KNTC1: variants seen among roughly 807,000 people sequenced by gnomAD.
KNTC1 encodes kinetochore associated 1, also known as kinetochore-associated protein 1.
KNTC1 carries 253 observed loss-of-function variants against 314.4 expected under a neutral mutation model. That is an observed-to-expected ratio of 0.80 (90% confidence interval 0.73 to 0.89). KNTC1 has a LOEUF of 0.89. Among genes scored for constraint, KNTC1 ranks in the 40% least tolerant of loss-of-function variants. The probability of loss-of-function intolerance (pLI) is 0.00; values close to 1 mark genes in which losing one functional copy is unlikely to be tolerated. For synonymous variants in KNTC1, 901 were observed against 901.4 expected (o/e 1.00, Z 0.01); for missense variants, 2,475 against 2,572.9 (o/e 0.96, Z 0.82).
chr12:122,619,631 C>A (rs1225848058), intron 59 of KNTC1, among the ~76,000 whole-genome samples: 1 of 151,904 alleles, frequency 6.6e-6, no homozygotes, highest in Admixed American at 6.6e-5. Context: ...CCAGGATGGT[C>A]TCGATCTCCT....
chr12:122,626,126 TCTG>T (rs1875023466), intron 63 of KNTC1, 76 bp from the exon 64 acceptor site: 1 of 968,894 alleles, frequency 1.0e-6, no homozygotes, highest in African/African-American at 1.6e-5. Context: ...TCACTTAAGT[TCTG>T]TAGTTTATCT....
intron 30 of KNTC1, among the ~76,000 whole-genome samples, chr12:122,577,471 A>G (rs892121955): frequency 2.0e-5 from 3 of 152,194 alleles, no homozygotes; most frequent in Non-Finnish European, 4.4e-5. Context: ...ACATGTAACA[A>G]GCCTGCACTT....
chr12:122,561,403 A>G (rs1234981557), intron 18 of KNTC1, among the ~76,000 whole-genome samples: 1 of 152,036 alleles, frequency 6.6e-6, no homozygotes, highest in Non-Finnish European at 1.5e-5. Flanking sequence ...GCAATTGCAA[A>G]TAATGTCATT....
intron 62 of KNTC1, 84 bp downstream of exon 62, chr12:122,622,691 G>T: frequency 8.7e-7 from 1 of 1,146,258 alleles, no homozygotes; most frequent in Non-Finnish European, 1.2e-6. Context: ...GCTCACGACT[G>T]TAATCCTAGC....
rs578088874 is a variant in KNTC1 at position 122,610,892 on chromosome 12, A to G, written c.5614A>G (p.Thr1872Ala). 4.3e-6 allele frequency: 7 copies of G among 1,610,090 alleles called. No homozygotes were observed. The highest frequency in any genetic ancestry group is 3.3e-4 in the Middle Eastern group (2 of 6,078). The change falls in exon 53 of 64, where the codon ACT (threonine) becomes GCT (alanine). Residue 1872 changes from threonine to alanine, a missense_variant. Thr to Ala is a moderately conservative substitution (Grantham distance 58). Transcript: ENST00000333479. ...AATGCTGTTTGTATTTGCAACATCA[A>G]CTACAACCGTAAGCTCTAGAAACTT... ...SRMLFVFATS[T>A]TTTLGMHQLT...
chr12:122,538,300 T>G (rs776743539), intron 3 of KNTC1, 39 bp from the exon 4 acceptor site: 6 of 1,187,072 alleles, frequency 5.1e-6, no homozygotes, highest in Non-Finnish European at 7.2e-6. Context: ...AAATAAAGAT[T>G]TTCGAAGGAA....
intron 34 of KNTC1, among the ~76,000 whole-genome samples, chr12:122,583,897 A>G (rs1593608174): frequency 1.3e-5 from 2 of 152,190 alleles, no homozygotes; most frequent in Admixed American, 6.5e-5. Context: ...CCAAGGCAGG[A>G]GGATTACTTC....
intron 16 of KNTC1, among the ~76,000 whole-genome samples, chr12:122,553,609 T>C (rs547019055): frequency 6.6e-6 from 1 of 152,238 alleles, no homozygotes; most frequent in Non-Finnish European, 1.5e-5. Context: ...AGGAGTGGCC[T>C]ACACTGCTTC....
intron 20 of KNTC1, among the ~76,000 whole-genome samples, chr12:122,565,294 T>C (rs1405410565): frequency 1.3e-5 from 2 of 150,430 alleles, no homozygotes; most frequent in African/African-American, 4.9e-5. Context: ...TTTATTATTG[T>C]TGTGTTTTTA....
At position 122,549,913 on chromosome 12, in the gene KNTC1, A is replaced by G. The variant is rs1205934279; in HGVS notation, c.1086+49A>G. The G allele has an allele frequency of 4.0e-6, 4 of 991,856 alleles. No homozygotes were observed. In the East Asian group the frequency reaches 7.8e-5, roughly 19 times the overall value. The allele number at this position is 991,856 out of a possible 1,614,324, so 61.4% of individuals were successfully genotyped here. A position where few individuals can be genotyped will look rare whatever the true frequency, so the allele number is the denominator to read the frequency against. On this transcript the variant is annotated intron_variant, in intron 13 of 63. Coordinates refer to ENST00000333479, the MANE Select transcript of KNTC1 (RefSeq NM_014708.6). ...TATTCTTTTAACTACTTTTTTCTTTATCTGGTATCTAATCAGGGATGATTA... is the reference window on the plus strand; with the variant it reads ...TATTCTTTTAACTACTTTTTTCTTTGTCTGGTATCTAATCAGGGATGATTA...
rs1275564781 is a variant in KNTC1 at position 122,613,588 on chromosome 12, C to T, written c.5742-38C>T. On this transcript the variant is annotated intron_variant, in intron 54 of 63. Coordinates refer to ENST00000333479, the MANE Select transcript of KNTC1 (RefSeq NM_014708.6). ...TTTTTATTTTAAATGTAAATGTGGC[C>T]TATGAGAATGATTCTTAGAAACGTT... 3.2e-6 allele frequency: 5 copies of T among 1,550,472 alleles called. No individual in the cohort carries two copies. In the East Asian group the frequency reaches 1.1e-4, roughly 36 times the overall value.
At chr12:122,558,423 G>A (rs538429432) in intron 18 of KNTC1, among the ~76,000 whole-genome samples, 19 of 151,592 alleles carry the variant, frequency 1.3e-4, no homozygotes, top group African/African-American at 3.2e-4. Flanking sequence ...GTGGTGTCAC[G>A]CGCCTGTAGT....
At chr12:122,557,824 C>CT (rs1167468248) in intron 18 of KNTC1, 135 bp downstream of exon 18, 1 of 629,756 alleles carries the variant, frequency 1.6e-6, no homozygotes, top group Non-Finnish European at 2.8e-6. Flanking sequence ...TTTATAATAG[C>CT]TTAATGGAGA....
At chr12:122,562,570 C>T in intron 19 of KNTC1, 68 bp from the exon 20 acceptor site, 1 of 954,296 alleles carries the variant, frequency 1.0e-6, no homozygotes, top group South Asian at 1.4e-5. Flanking sequence ...TGTAATGATT[C>T]ATTTTTAATG....
rs992269448 is a variant in KNTC1, at chr12:122,546,405, C to T, written c.763+136C>T. On this transcript the variant is annotated intron_variant, in intron 9 of 63. Coordinates refer to ENST00000333479, the MANE Select transcript of KNTC1 (RefSeq NM_014708.6). ...AAGCCAGAATAGCTTGATGGTTGTTCACATACAGAACAGTTCTTGACATGT... is the reference window on the plus strand; with the variant it reads ...AAGCCAGAATAGCTTGATGGTTGTTTACATACAGAACAGTTCTTGACATGT... 8 of 671,630 alleles carry T rather than the reference C, an allele frequency of 1.2e-5. No homozygotes were observed. The Admixed American group carries it at 2.2e-4, about 19-fold the overall frequency. 41.6% of individuals were successfully genotyped at this position (671,630 alleles called of 1,614,324 possible). A position where few individuals can be genotyped will look rare whatever the true frequency, so the allele number is the denominator to read the frequency against.
At chr12:122,601,324 A>T (rs1490856928) in intron 44 of KNTC1, among the ~76,000 whole-genome samples, 2 of 151,906 alleles carry the variant, frequency 1.3e-5, no homozygotes, top group Non-Finnish European at 2.9e-5. Context: ...TGACCTCGTG[A>T]TCCACCCGCC....
intron 43 of KNTC1, chr12:122,597,370 T>G (rs954754025): frequency 1.3e-5 from 3 of 239,850 alleles, no homozygotes; most frequent in African/African-American, 6.9e-5. Context: ...TGCCTCAGCT[T>G]CCCGAGTAGC....
chr12:122,609,573 A>C, intron 52 of KNTC1, 143 bp downstream of exon 52: 2 of 582,660 alleles, frequency 3.4e-6, no homozygotes, highest in South Asian at 4.7e-5. Flanking sequence ...CAGTTCACTA[A>C]TACGTGGCTA....
At chr12:122,619,682 GA>G (rs1366841917) in intron 59 of KNTC1, among the ~76,000 whole-genome samples, 1 of 152,062 alleles carries the variant, frequency 6.6e-6, no homozygotes, top group Admixed American at 6.6e-5. Context: ...AAAGTGCTGG[GA>G]TTACAGGCTT....
Sources: gnomAD v4.1 joint callset for allele counts (sites outside exome capture counted in the v4.1 genomes callset) on GRCh38, gnomAD v4.1.1 for gene constraint, MANE v1.5 for transcripts, NCBI Gene and HGNC (gene_info 2026-07-23, HGNC 2026-07-21) for gene names.